ATP6V0A4: variants seen among roughly 807,000 people sequenced by gnomAD.
The protein encoded by ATP6V0A4 is ATPase H+ transporting V0 subunit a4.
In ATP6V0A4, 86 loss-of-function variants were observed where a neutral mutation model predicts 107.3. The observed-to-expected ratio is 0.80, with a 90% CI of 0.67 to 0.96. The LOEUF is 0.96. Among genes scored for constraint, ATP6V0A4 ranks in the 40% least tolerant of loss-of-function variants. The pLI, the probability that ATP6V0A4 is intolerant of heterozygous loss-of-function variation, is 0.00. For missense variants in ATP6V0A4, 908 were observed against 1,045.6 expected, an observed-to-expected ratio of 0.87 and a Z score of 1.81; for synonymous variants, 353 against 381.4, an observed-to-expected ratio of 0.93 and a Z score of 0.87.
At chr7:138,727,112 C>CAAAAAAAA (rs138365622) in intron 18 of ATP6V0A4, among the ~76,000 whole-genome samples, 2 of 103,076 alleles carry the variant, frequency 1.9e-5, no homozygotes, top group Non-Finnish European at 3.9e-5. Flanking sequence ...GAGCTCATCT[C>CAAAAAAAA]AAAAAAAAAA....
chr7:138,790,381 C>T (rs947439157), intron 1 of ATP6V0A4, among the ~76,000 whole-genome samples: 1 of 152,064 alleles, frequency 6.6e-6, no homozygotes, highest in African/African-American at 2.4e-5. Context: ...GCAACCTCTG[C>T]CTCTTGGGTT....
rs564911993 is a variant in ATP6V0A4, at chr7:138,782,749, A to G, written c.-18+3409T>C. 3.3e-5 allele frequency among the ~76,000 whole-genome samples: 5 copies of G among 152,294 alleles called. No individual in the cohort carries two copies. In the East Asian group the frequency reaches 9.7e-4, roughly 29 times the overall value. ...GAAATGGGCAGGATTCTGGGGACTC[A>G]GAGAAAGTCAGTGGCTGGTGAAGAA... On this transcript the variant is annotated intron_variant, in intron 2 of 21. Coordinates refer to ENST00000310018, the MANE Select transcript of ATP6V0A4 (RefSeq NM_020632.3).
chr7:138,774,167 T>C (rs1807534388), intron 2 of ATP6V0A4: 1 of 152,220 alleles, frequency 6.6e-6, no homozygotes, highest in Admixed American at 6.5e-5. Flanking sequence ...TATTTTCTAA[T>C]GAAAGTAACT....
chr7:138,752,598 C>A, intron 11 of ATP6V0A4, 27 bp downstream of exon 11: 2 of 1,611,536 alleles, frequency 1.2e-6, no homozygotes, highest in Non-Finnish European at 1.7e-6. Flanking sequence ...ACTCATCGGA[C>A]CCCTCCTGGC....
At chr7:138,729,527 G>C (rs1400914368) in intron 17 of ATP6V0A4, among the ~76,000 whole-genome samples, 2 of 152,058 alleles carry the variant, frequency 1.3e-5, no homozygotes, top group African/African-American at 4.8e-5. Context: ...CGGTCTTCAG[G>C]CCTCTGCTGA....
At chr7:138,793,982 C>G (rs1208141228) in intron 1 of ATP6V0A4, among the ~76,000 whole-genome samples, 1 of 152,180 alleles carries the variant, frequency 6.6e-6, no homozygotes, top group Non-Finnish European at 1.5e-5. Context: ...TCAACTAACT[C>G]TATGGCATGA....
chr7:138,772,070 T>C (rs1807421660), intron 2 of ATP6V0A4, among the ~76,000 whole-genome samples: 1 of 152,236 alleles, frequency 6.6e-6, no homozygotes, highest in Non-Finnish European at 1.5e-5. Flanking sequence ...TCAATTTCCC[T>C]AGTCAGGAAA....
intron 15 of ATP6V0A4, among the ~76,000 whole-genome samples, chr7:138,737,196 T>C (rs1805381027): frequency 6.7e-6 from 1 of 148,342 alleles, no homozygotes; most frequent in Non-Finnish European, 1.5e-5. Context: ...TCATCTTGAA[T>C]TGTATTCCCA....
chr7:138,710,775 G>A (rs1197102866), intron 20 of ATP6V0A4, among the ~76,000 whole-genome samples: 2 of 152,018 alleles, frequency 1.3e-5, no homozygotes, highest in East Asian at 3.9e-4. Flanking sequence ...GGTCCCCTCT[G>A]GAATCTGAAG....
At chr7:138,729,468 T>C (rs186620001) in intron 17 of ATP6V0A4, among the ~76,000 whole-genome samples, 3 of 152,332 alleles carry the variant, frequency 2.0e-5, no homozygotes, top group African/African-American at 4.8e-5. Flanking sequence ...TTACCCACTT[T>C]GAACTCACTC....
intron 12 of ATP6V0A4, 127 bp downstream of exon 12, chr7:138,749,040 C>T: frequency 7.9e-7 from 1 of 1,262,356 alleles, no homozygotes; most frequent in Non-Finnish European, 1.1e-6. Flanking sequence ...CCTCTGATTC[C>T]CACAGCTACT....
In ATP6V0A4 at chr7:138,766,200, A is replaced by ATTTTTTTT. The variant is rs1398843206; in HGVS notation, c.291+2579_291+2580insAAAAAAAA. On this transcript the variant is annotated intron_variant, in intron 5 of 21. Transcript: ENST00000310018. ...TAACACCTTAAAATATCATGTTATT[A>ATTTTTTTT]TTATTTTTTTTTTTTTTTTGGAAAC... Among the ~76,000 whole-genome samples, 3 of 84,320 alleles carry ATTTTTTTT rather than the reference A, an allele frequency of 3.6e-5. 1 individual carries two copies. The highest frequency in any genetic ancestry group is 2.2e-5 in the Non-Finnish European group (1 of 45,932). 55.3% of individuals were successfully genotyped at this position (84,320 alleles called of 152,430 possible). A position where few individuals can be genotyped will look rare whatever the true frequency, so the allele number is the denominator to read the frequency against.
intron 15 of ATP6V0A4, 41 bp from the exon 16 acceptor site, chr7:138,734,295 C>T: frequency 1.2e-6 from 2 of 1,609,768 alleles, no homozygotes; most frequent in Non-Finnish European, 1.7e-6. Flanking sequence ...GAGAGAGAGT[C>T]TTAGAAGTTC....
chr7:138,774,418 A>C (rs1807544920), intron 2 of ATP6V0A4, among the ~76,000 whole-genome samples: 1 of 151,644 alleles, frequency 6.6e-6, no homozygotes, highest in Non-Finnish European at 1.5e-5. Context: ...GTCTCTACTA[A>C]AAATACGAAA....
chr7:138,791,101 C>G (rs1041040890), intron 1 of ATP6V0A4, among the ~76,000 whole-genome samples: 5 of 151,848 alleles, frequency 3.3e-5, no homozygotes, highest in Non-Finnish European at 5.9e-5. Context: ...TATATCCCCT[C>G]TGTTTATGAA....
intron 20 of ATP6V0A4, among the ~76,000 whole-genome samples, chr7:138,711,615 C>T (rs949066348): frequency 2.0e-5 from 3 of 152,216 alleles, no homozygotes; most frequent in Admixed American, 2.0e-4. Flanking sequence ...CCCCCAAGAT[C>T]TGGTTTTCTG....
At chr7:138,718,438 CGGAGGGAGA>C (rs1562980678) in intron 19 of ATP6V0A4, among the ~76,000 whole-genome samples, 1 of 81,252 alleles carries the variant, frequency 1.2e-5, no homozygotes, top group African/African-American at 5.4e-5. Flanking sequence ...CGGATGTCTG[CGGAGGGAGA>C]CATCCAGGAA....
At chr7:138,713,161 T>C (rs1212154236) in intron 20 of ATP6V0A4, among the ~76,000 whole-genome samples, 4 of 149,732 alleles carry the variant, frequency 2.7e-5, no homozygotes, top group African/African-American at 7.4e-5. Flanking sequence ...AAAAATTAGC[T>C]GGGCATGGTG....
At chr7:138,772,941 A>G (rs17160541) in intron 2 of ATP6V0A4, among the ~76,000 whole-genome samples, 1,758 of 152,214 alleles carry the variant, frequency 0.012, 34 homozygotes, top group African/African-American at 0.04. Flanking sequence ...CCAATGGTGA[A>G]GTTGAAGGCC....
Sources: allele counts gnomAD v4.1 joint callset (sites outside exome capture counted in the v4.1 genomes callset), GRCh38; gene constraint gnomAD v4.1.1; transcripts MANE v1.5; gene names NCBI Gene and HGNC (gene_info 2026-07-23, HGNC 2026-07-21).